Variants in CACNA2D3 observed in about 807,000 individuals in gnomAD.
The protein encoded by CACNA2D3 is calcium voltage-gated channel auxiliary subunit alpha2delta 3, also known as voltage-dependent calcium channel subunit alpha-2/delta-3.
CACNA2D3 carries 60 observed loss-of-function variants against 160.6 expected under a neutral mutation model. The ratio of observed to expected loss-of-function variants is 0.37; its 90% confidence interval spans 0.30 to 0.46. The LOEUF is 0.46. CACNA2D3 is among the 20% of genes least tolerant of loss of function. The pLI is 1.00. For missense variants in CACNA2D3, 1,205 were observed against 1,365.0 expected, an observed-to-expected ratio of 0.88 and a Z score of 1.85; for synonymous variants, 558 against 492.9, an observed-to-expected ratio of 1.13 and a Z score of -1.75.
At chr3:54,185,432 C>G (rs969617581) in intron 2 of CACNA2D3, among the ~76,000 whole-genome samples, 9 of 152,184 alleles carry the variant, frequency 5.9e-5, no homozygotes, top group African/African-American at 2.2e-4. Flanking sequence ...TTTACCCTGG[C>G]ATCTCTCAAA....
chr3:54,697,398 T>A (rs1700684214), intron 11 of CACNA2D3, among the ~76,000 whole-genome samples: 1 of 152,174 alleles, frequency 6.6e-6, no homozygotes, highest in African/African-American at 2.4e-5. Flanking sequence ...TTATCCACAG[T>A]AAAGTTTGAG....
At chr3:54,312,407 A>C (rs1220977047) in intron 2 of CACNA2D3, among the ~76,000 whole-genome samples, 1 of 151,922 alleles carries the variant, frequency 6.6e-6, no homozygotes, top group Non-Finnish European at 1.5e-5. Context: ...TGCCAAGTCC[A>C]CTCAGAGCCC....
chr3:54,475,954 A>G (rs1401979605), intron 4 of CACNA2D3, among the ~76,000 whole-genome samples: 1 of 151,448 alleles, frequency 6.6e-6, no homozygotes, highest in Non-Finnish European at 1.5e-5. Flanking sequence ...CACTCATCAT[A>G]TAACTGTAAG....
At chr3:54,379,838 C>T (rs545062013) in intron 3 of CACNA2D3, among the ~76,000 whole-genome samples, 16 of 152,248 alleles carry the variant, frequency 1.1e-4, no homozygotes, top group African/African-American at 3.1e-4. Context: ...CATTCTTTGT[C>T]ACTTGTCCCT....
Position 54,131,519 on chromosome 3 carries a change from C to T in CACNA2D3, c.204+7925C>T, listed in dbSNP as rs555293751. Reference sequence around the variant, plus strand: ...GCAGATAACCTCTAATCCCGATGCCCCCTTGGGCAGCATTTCAGTTGTTTA... The same window carrying T: ...GCAGATAACCTCTAATCCCGATGCCTCCTTGGGCAGCATTTCAGTTGTTTA... On this transcript the variant is annotated intron_variant, in intron 2 of 37. Transcript: ENST00000474759. Among the ~76,000 whole-genome samples the T allele has an allele frequency of 2.6e-5, 4 of 152,352 alleles. No homozygotes were observed. In the South Asian group the frequency reaches 6.2e-4, roughly 24 times the overall value.
At chr3:54,915,700 T>C (rs1246472295) in intron 27 of CACNA2D3, among the ~76,000 whole-genome samples, 1 of 152,252 alleles carries the variant, frequency 6.6e-6, no homozygotes, top group African/African-American at 2.4e-5. Context: ...ACTCTGCATT[T>C]GTTAATGTAA....
Position 54,838,602 on chromosome 3 carries a change from C to G in CACNA2D3, c.1505C>G (p.Thr502Arg). The part of the protein sequence containing the change: ...SKGILLGVVG[T>R]DVPVKELLKT... ...GGCATTCTTCTGGGAGTGGTTGGCA[C>G]AGATGTCCCAGTGAAAGAACTTCTG... The change falls in exon 16 of 38, where the codon ACA (threonine) becomes AGA (arginine). Residue 502 changes from threonine to arginine, a missense_variant. Transcript: ENST00000474759. The G allele has an allele frequency of 6.2e-7, 1 of 1,613,656 alleles. No homozygotes were observed. Among genetic ancestry groups the G allele is most frequent in the Non-Finnish European group, 8.5e-7 (1 of 1,179,590 alleles).
intron 35 of CACNA2D3, among the ~76,000 whole-genome samples, chr3:55,068,144 C>CACACT (rs1704711615): frequency 6.6e-6 from 1 of 152,196 alleles, no homozygotes; most frequent in South Asian, 2.1e-4. Context: ...CAGAAGGTGC[C>CACACT]TGCAGCCAGC....
chr3:54,370,735 T>C (rs1256492754), intron 3 of CACNA2D3, among the ~76,000 whole-genome samples: 1 of 152,040 alleles, frequency 6.6e-6, no homozygotes, highest in Non-Finnish European at 1.5e-5. Context: ...AATTTTTCCA[T>C]TTAGAGTATA....
At chr3:54,400,633 A>T (rs1343979427) in intron 4 of CACNA2D3, among the ~76,000 whole-genome samples, 2 of 152,156 alleles carry the variant, frequency 1.3e-5, no homozygotes, top group East Asian at 1.9e-4. Context: ...GTCATTTCTG[A>T]CATTGATCAC....
chr3:54,404,513 G>A (rs562871055), intron 4 of CACNA2D3, among the ~76,000 whole-genome samples: 24 of 152,182 alleles, frequency 1.6e-4, no homozygotes, highest in African/African-American at 5.1e-4. Context: ...ATGAAAAACC[G>A]ACAGCTGGCA....
In CACNA2D3 at chr3:54,668,944, C is replaced by G. The variant is rs115413469; in HGVS notation, c.1167+26703C>G. The stretch of plus-strand genomic sequence containing the variant: ...ACAAAGTTCCTATTACTCAGTGGAA[C>G]ACATACACCTTCCAGATTTCAATAG... On this transcript the variant is annotated intron_variant, in intron 11 of 37. Transcript: ENST00000474759. 7.9e-3 allele frequency among the ~76,000 whole-genome samples: 1,196 copies of G among 152,318 alleles called. 27 individuals carry two copies. Among genetic ancestry groups the G allele is most frequent in the African/African-American group, 0.027 (1,133 of 41,560 alleles).
At chr3:54,359,467 C>A (rs1297088656) in intron 3 of CACNA2D3, among the ~76,000 whole-genome samples, 1 of 152,096 alleles carries the variant, frequency 6.6e-6, no homozygotes. Flanking sequence ...AGCTGGCAGG[C>A]GTCCTAGGCT....
At chr3:54,749,776 G>A (rs1169339125) in intron 11 of CACNA2D3, among the ~76,000 whole-genome samples, 2 of 152,180 alleles carry the variant, frequency 1.3e-5, no homozygotes, top group African/African-American at 2.4e-5. Context: ...GGAGGTCAGT[G>A]TACTGGGAGC....
intron 5 of CACNA2D3, among the ~76,000 whole-genome samples, chr3:54,514,188 CA>C (rs1701506968): frequency 6.6e-6 from 1 of 152,138 alleles, no homozygotes; most frequent in Non-Finnish European, 1.5e-5. Flanking sequence ...ATCAGAATGC[CA>C]ATGGGTACCA....
At chr3:54,532,921 G>A (rs907561653) in intron 5 of CACNA2D3, among the ~76,000 whole-genome samples, 1 of 152,170 alleles carries the variant, frequency 6.6e-6, no homozygotes, top group Non-Finnish European at 1.5e-5. Context: ...CCCACTAAGA[G>A]TAGGATAAGC....
intron 35 of CACNA2D3, among the ~76,000 whole-genome samples, chr3:55,021,683 A>ATATATATGTGTGTG (rs1559466015): frequency 1.3e-4 from 19 of 142,130 alleles, no homozygotes; most frequent in Non-Finnish European, 7.6e-5. Flanking sequence ...ATATGTGTAT[A>ATATATATGTGTGTG]TATATATATG....
At chr3:54,512,319 T>C (rs906641049) in intron 5 of CACNA2D3, among the ~76,000 whole-genome samples, 1 of 152,200 alleles carries the variant, frequency 6.6e-6, no homozygotes, top group African/African-American at 2.4e-5. Flanking sequence ...GCAAAGACAA[T>C]GATAGCACCT....
chr3:54,898,952 A>G (rs1700265492), intron 26 of CACNA2D3, among the ~76,000 whole-genome samples: 1 of 152,214 alleles, frequency 6.6e-6, no homozygotes, highest in Non-Finnish European at 1.5e-5. Context: ...TACAAACTAG[A>G]AAAGAAACTG....
Sources: allele counts gnomAD v4.1 joint callset (sites outside exome capture counted in the v4.1 genomes callset), GRCh38; gene constraint gnomAD v4.1.1; transcripts MANE v1.5; gene names NCBI Gene and HGNC (gene_info 2026-07-23, HGNC 2026-07-21).